PCTP: variants seen among roughly 807,000 people sequenced by gnomAD.
The protein encoded by PCTP is phosphatidylcholine transfer protein, also known as START domain-containing protein 2.
Under a neutral mutation model 31.0 loss-of-function variants are expected in PCTP, and 27 were observed. The observed-to-expected ratio is 0.87, with a 90% CI of 0.64 to 1.20. The LOEUF is 1.20. Among genes scored for constraint, PCTP ranks in the 50% most tolerant of loss-of-function variants. The pLI, the probability that PCTP is intolerant of heterozygous loss-of-function variation, is 0.00. For missense variants in PCTP, 287 were observed against 268.2 expected (o/e 1.07, Z -0.49); for synonymous variants, 108 against 101.2 (o/e 1.07, Z -0.40).
chr17:55,851,894 G>A, the PCTP span, among the ~76,000 whole-genome samples: 1 of 152,104 alleles, frequency 6.6e-6, no homozygotes, highest in Admixed American at 6.5e-5. Context: ...GTACTATCTT[G>A]ATCTCATCTC....
chr17:55,799,467 G>T lies in PCTP; in HGVS notation c.317+11813G>T, dbSNP rs571090339. On this transcript the variant is annotated intron_variant, in intron 3 of 3. Transcript: ENST00000572536. ...CCCTTTGTTTTGAGCCTATGTGTGT[G>T]TTTGCACATGAGATGGGTCTCCTGA... Among the ~76,000 whole-genome samples, 13 of 147,810 alleles carry T rather than the reference G, an allele frequency of 8.8e-5. 1 individual carries two copies. The South Asian group carries it at 2.4e-3, about 27-fold the overall frequency.
At chr17:55,844,903 C>T (rs148520895), downstream of PCTP, among the ~76,000 whole-genome samples, 5 of 151,696 alleles carry the variant, frequency 3.3e-5, no homozygotes, top group Non-Finnish European at 5.9e-5. Context: ...GCCTGACCAA[C>T]ATGGTGAAAC....
intron 5 of PCTP, among the ~76,000 whole-genome samples, chr17:55,832,007 A>C (rs1367527286): frequency 1.3e-5 from 2 of 152,124 alleles, no homozygotes; most frequent in Non-Finnish European, 2.9e-5. Context: ...CCCGGGAGGC[A>C]GAGCTTGCAG....
chr17:55,774,272 G>A (rs963342828), intron 4 of PCTP, among the ~76,000 whole-genome samples: 5 of 152,142 alleles, frequency 3.3e-5, no homozygotes, highest in Non-Finnish European at 7.4e-5. Context: ...CTCAGCTCTG[G>A]CTCAGTACCA....
chr17:55,813,978 G>A (rs1348619717), intron 3 of PCTP, among the ~76,000 whole-genome samples: 1 of 151,942 alleles, frequency 6.6e-6, no homozygotes, highest in Non-Finnish European at 1.5e-5. Flanking sequence ...GGAAGTCAAG[G>A]CTGCAGTTAT....
At chr17:55,837,411 TG>T (rs1394690103) in intron 5 of PCTP, among the ~76,000 whole-genome samples, 8 of 152,190 alleles carry the variant, frequency 5.3e-5, no homozygotes, top group Non-Finnish European at 5.9e-5. Flanking sequence ...CTTCCTTTCT[TG>T]GGTACCTATA....
chr17:55,773,526 G>T (rs1911124562), intron 3 of PCTP, 198 bp from the exon 4 acceptor site: 3 of 537,802 alleles, frequency 5.6e-6, no homozygotes, highest in African/African-American at 1.9e-5. Context: ...ATGCTCTTTG[G>T]TGAGAATACT....
At chr17:55,803,053 T>C (rs1912442495) in intron 3 of PCTP, among the ~76,000 whole-genome samples, 1 of 152,194 alleles carries the variant, frequency 6.6e-6, no homozygotes, top group African/African-American at 2.4e-5. Context: ...CAAGCATTCC[T>C]GTACAACAAT....
chr17:55,799,945 G>C (rs1316987547), intron 3 of PCTP, among the ~76,000 whole-genome samples: 1 of 152,182 alleles, frequency 6.6e-6, no homozygotes, highest in Admixed American at 6.5e-5. Flanking sequence ...GAGATCTGCT[G>C]TTAGTCTGAT....
At position 55,776,333 on chromosome 17, in the gene PCTP, C is replaced by T. The variant is rs1184953956; in HGVS notation, c.*233C>T. 3 of 1,358,080 alleles carry T rather than the reference C, an allele frequency of 2.2e-6. No individual in the cohort carries two copies. The highest frequency in any genetic ancestry group is 3.4e-5 in the Admixed American group (1 of 29,136). 84.1% of individuals were successfully genotyped at this position (1,358,080 alleles called of 1,614,324 possible). A position where few individuals can be genotyped will look rare whatever the true frequency, so the allele number is the denominator to read the frequency against. On this transcript the variant is annotated 3_prime_UTR_variant, in exon 6 of 6. Transcript: ENST00000268896. ...CACTCGTCTGCTTCCTTTCTCGCTC[C>T]CCCCATCCTGGGCTGGGCTGCCTTC...
At chr17:55,805,585 T>C (rs1334198793) in intron 3 of PCTP, among the ~76,000 whole-genome samples, 3 of 152,130 alleles carry the variant, frequency 2.0e-5, no homozygotes, top group South Asian at 2.1e-4. Context: ...CACACACACA[T>C]ATATGTATAT....
intron 1 of PCTP, among the ~76,000 whole-genome samples, chr17:55,763,708 A>G (rs1213566511): frequency 2.6e-5 from 4 of 152,170 alleles, no homozygotes; most frequent in Non-Finnish European, 5.9e-5. Flanking sequence ...TTTTTGGATT[A>G]TGGGGTTACA....
intron 5 of PCTP, among the ~76,000 whole-genome samples, chr17:55,833,097 G>T (rs1045452715): frequency 2.0e-5 from 3 of 152,154 alleles, no homozygotes; most frequent in African/African-American, 7.2e-5. Flanking sequence ...CTTTGAATGT[G>T]TTCGCTTAGG....
intron 3 of PCTP, among the ~76,000 whole-genome samples, chr17:55,773,166 TTCC>T (rs1264700936): frequency 6.6e-6 from 1 of 152,258 alleles, no homozygotes; most frequent in Non-Finnish European, 1.5e-5. Context: ...GTCCCATGTC[TTCC>T]TATGGTCATC....
At chr17:55,804,356 A>G (rs1337702165) in intron 3 of PCTP, among the ~76,000 whole-genome samples, 5 of 152,204 alleles carry the variant, frequency 3.3e-5, no homozygotes, top group African/African-American at 1.2e-4. Context: ...CAGCAATCCC[A>G]TTACTGGGTA....
exon 4 of PCTP, chr17:55,823,034 A>G (rs1415164951): frequency 5.8e-6 from 2 of 343,978 alleles, no homozygotes; most frequent in African/African-American, 2.1e-5. Flanking sequence ...AGATGTGTTC[A>G]CTATCATCTA....
At chr17:55,825,643 C>A (rs1227976814), downstream of PCTP, among the ~76,000 whole-genome samples, 4 of 152,188 alleles carry the variant, frequency 2.6e-5, no homozygotes, top group East Asian at 7.7e-4. Flanking sequence ...AAATCCTAAG[C>A]CTCTCTGCCC....
At chr17:55,791,456 C>T (rs1911975340) in intron 3 of PCTP, among the ~76,000 whole-genome samples, 1 of 147,264 alleles carries the variant, frequency 6.8e-6, no homozygotes, top group Admixed American at 6.8e-5. Context: ...AACAAATTTA[C>T]AAGAAAAAAA....
chr17:55,792,489 A>T (rs1471986320), intron 3 of PCTP, among the ~76,000 whole-genome samples: 2 of 152,056 alleles, frequency 1.3e-5, no homozygotes, highest in African/African-American at 4.8e-5. Context: ...AAATAAAATA[A>T]AATATCTCAC....
Sources: allele counts gnomAD v4.1 joint callset (sites outside exome capture counted in the v4.1 genomes callset), GRCh38; gene constraint gnomAD v4.1.1; transcripts MANE v1.5; gene names NCBI Gene and HGNC (gene_info 2026-07-23, HGNC 2026-07-21).